The following MARCHF1 variants were observed in gnomAD, a reference collection of about 807,000 sequenced individuals.
The protein encoded by MARCHF1 is E3 ubiquitin-protein ligase MARCHF1.
Under a neutral mutation model 54.2 loss-of-function variants are expected in MARCHF1, and 40 were observed. The observed-to-expected ratio is 0.74, with a 90% CI of 0.57 to 0.96. The LOEUF is 0.96. MARCHF1 is among the 40% of genes least tolerant of loss of function. The pLI, the probability that MARCHF1 is intolerant of heterozygous loss-of-function variation, is 0.00. For synonymous variants in MARCHF1, 236 were observed against 236.3 expected, an observed-to-expected ratio of 1.00 and a Z score of 0.01; for missense variants, 586 against 656.5, an observed-to-expected ratio of 0.89 and a Z score of 1.17.
At chr4:164,009,673 A>G (rs1427851234) in intron 2 of MARCHF1, among the ~76,000 whole-genome samples, 2 of 152,228 alleles carry the variant, frequency 1.3e-5, no homozygotes, top group African/African-American at 4.8e-5. Flanking sequence ...TCACATTAAC[A>G]GAATCAAGAA....
chr4:163,589,150 C>A (rs913386703), intron 7 of MARCHF1, among the ~76,000 whole-genome samples: 2 of 150,970 alleles, frequency 1.3e-5, no homozygotes, highest in Non-Finnish European at 2.9e-5. Flanking sequence ...GCTCTACAGG[C>A]ACCAAAAAGA....
chr4:164,379,391 C>T (rs1435813453), intron 1 of MARCHF1, among the ~76,000 whole-genome samples: 1 of 151,984 alleles, frequency 6.6e-6, no homozygotes, highest in Non-Finnish European at 1.5e-5. Context: ...GTGAAACCAT[C>T]TATTAAACAT....
chr4:163,550,298 A>G (rs927880836), intron 8 of MARCHF1, among the ~76,000 whole-genome samples: 3 of 148,658 alleles, frequency 2.0e-5, no homozygotes, highest in Non-Finnish European at 3.0e-5. Flanking sequence ...AAAAAAAAAA[A>G]AAGAAAAGAA....
At chr4:163,675,246 T>C (rs1431585707) in intron 5 of MARCHF1, among the ~76,000 whole-genome samples, 1 of 152,232 alleles carries the variant, frequency 6.6e-6, no homozygotes, top group Non-Finnish European at 1.5e-5. Context: ...TGTTAAAGTA[T>C]TGAAAAATAT....
chr4:163,992,813 A>G (rs1393718094), intron 2 of MARCHF1, among the ~76,000 whole-genome samples: 1 of 150,316 alleles, frequency 6.7e-6, no homozygotes, highest in Non-Finnish European at 1.5e-5. Context: ...ATAAAATTAT[A>G]AATGCATTGA....
intron 5 of MARCHF1, among the ~76,000 whole-genome samples, chr4:163,616,166 T>C (rs1741502776): frequency 6.6e-6 from 1 of 152,106 alleles, no homozygotes; most frequent in Non-Finnish European, 1.5e-5. Flanking sequence ...TAGAAAAGTT[T>C]TTGTGGGTAC....
intron 8 of MARCHF1, among the ~76,000 whole-genome samples, chr4:163,575,133 T>C (rs1326210103): frequency 1.3e-5 from 2 of 151,976 alleles, no homozygotes; most frequent in Non-Finnish European, 2.9e-5. Context: ...CCAGCTTTTG[T>C]CCATTAAGTA....
At chr4:163,628,945 G>T (rs1023035923) in intron 5 of MARCHF1, among the ~76,000 whole-genome samples, 1 of 152,134 alleles carries the variant, frequency 6.6e-6, no homozygotes, top group Non-Finnish European at 1.5e-5. Context: ...TGGGTAGGAA[G>T]AATCAATATT....
chr4:163,591,804 A>T (rs991239011), intron 7 of MARCHF1, among the ~76,000 whole-genome samples: 4 of 152,268 alleles, frequency 2.6e-5, no homozygotes, highest in Non-Finnish European at 4.4e-5. Context: ...ATATACCATG[A>T]ACTCTTTAAT....
chr4:164,293,652 AT>A (rs1350538533), intron 1 of MARCHF1, among the ~76,000 whole-genome samples: 2 of 152,176 alleles, frequency 1.3e-5, no homozygotes, highest in African/African-American at 4.8e-5. Context: ...ATAAATTTAG[AT>A]TTTTTTCTGA....
chr4:164,147,641 G>A (rs542787105), intron 1 of MARCHF1, among the ~76,000 whole-genome samples: 1 of 137,356 alleles, frequency 7.3e-6, no homozygotes, highest in South Asian at 2.5e-4. Context: ...ATGGACACAG[G>A]AAGGGGAACA....
intron 2 of MARCHF1, among the ~76,000 whole-genome samples, chr4:164,079,591 T>C (rs889223554): frequency 2.6e-5 from 4 of 152,198 alleles, no homozygotes; most frequent in African/African-American, 9.6e-5. Flanking sequence ...ATATAACTTC[T>C]AACTTCTAAC....
At chr4:164,142,425 T>G (rs1268410258) in intron 1 of MARCHF1, among the ~76,000 whole-genome samples, 4 of 152,170 alleles carry the variant, frequency 2.6e-5, no homozygotes, top group Non-Finnish European at 4.4e-5. Flanking sequence ...TGTCCCTGTC[T>G]GACAGCTTTG....
chr4:163,860,416 G>A (rs750347359), intron 3 of MARCHF1, among the ~76,000 whole-genome samples: 14 of 152,054 alleles, frequency 9.2e-5, no homozygotes, highest in South Asian at 2.1e-4. Context: ...AGCAAACACC[G>A]TGAAATACCC....
intron 1 of MARCHF1, among the ~76,000 whole-genome samples, chr4:164,328,427 C>T (rs1321705708): frequency 2.0e-5 from 3 of 151,976 alleles, no homozygotes; most frequent in South Asian, 2.1e-4. Flanking sequence ...AACTGTGTTT[C>T]GGTGTCAGTA....
intron 2 of MARCHF1, among the ~76,000 whole-genome samples, chr4:164,049,768 C>A (rs956548931): frequency 1.3e-5 from 2 of 152,158 alleles, no homozygotes; most frequent in Non-Finnish European, 2.9e-5. Context: ...CACATGTATA[C>A]ACACACATTT....
intron 2 of MARCHF1, among the ~76,000 whole-genome samples, chr4:164,100,716 T>C (rs778509230): frequency 2.0e-5 from 3 of 152,192 alleles, no homozygotes; most frequent in Non-Finnish European, 2.9e-5. Context: ...TGGAGATAGT[T>C]GATAGTCAAG....
At chr4:164,096,315 A>T (rs1385278950) in intron 2 of MARCHF1, among the ~76,000 whole-genome samples, 1 of 152,152 alleles carries the variant, frequency 6.6e-6, no homozygotes, top group Non-Finnish European at 1.5e-5. Context: ...TAACACAGAA[A>T]CAGAAAACCA....
intron 2 of MARCHF1, among the ~76,000 whole-genome samples, chr4:164,065,952 T>C (rs1160667256): frequency 6.6e-6 from 1 of 152,182 alleles, no homozygotes; most frequent in Non-Finnish European, 1.5e-5. Context: ...GACAGCCAAT[T>C]GGATAGTGTG....
Sources: gnomAD v4.1 joint callset for allele counts (sites outside exome capture counted in the v4.1 genomes callset) on GRCh38, gnomAD v4.1.1 for gene constraint, MANE v1.5 for transcripts, NCBI Gene and HGNC (gene_info 2026-07-23, HGNC 2026-07-21) for gene names.